Variants in SLC25A26 observed in about 807,000 individuals in gnomAD.
SLC25A26 encodes mitochondrial S-adenosylmethionine carrier protein.
A neutral mutation model predicts 37.8 loss-of-function variants in SLC25A26; 36 were observed. The observed-to-expected ratio is 0.95, with a 90% CI of 0.73 to 1.26. SLC25A26 has a LOEUF of 1.26. Among genes scored for constraint, SLC25A26 ranks in the 50% most tolerant of loss-of-function variants. The pLI is 0.00. For missense variants in SLC25A26, 390 were observed against 331.1 expected, an observed-to-expected ratio of 1.18 and a Z score of -1.38; for synonymous variants, 129 against 122.5, an observed-to-expected ratio of 1.05 and a Z score of -0.35.
intron 1 of SLC25A26, among the ~76,000 whole-genome samples, chr3:66,206,996 C>T (rs1182408894): frequency 3.3e-5 from 5 of 151,288 alleles, no homozygotes; most frequent in African/African-American, 9.7e-5. Flanking sequence ...TCTGCCTTGG[C>T]CTCCCACAGT....
chr3:66,353,702 A>G (rs2076512311), intron 6 of SLC25A26, among the ~76,000 whole-genome samples: 1 of 152,216 alleles, frequency 6.6e-6, no homozygotes, highest in East Asian at 1.9e-4. Context: ...TCTCCCCAGT[A>G]TCCGTTGAAT....
chr3:66,262,535 G>A (rs1251688911), intron 4 of SLC25A26, among the ~76,000 whole-genome samples: 1 of 152,164 alleles, frequency 6.6e-6, no homozygotes, highest in Non-Finnish European at 1.5e-5. Context: ...ATGTCATAAC[G>A]TTTATACCAA....
At chr3:66,219,308 T>A (rs1011966726), upstream of SLC25A26, among the ~76,000 whole-genome samples, 1 of 152,192 alleles carries the variant, frequency 6.6e-6, no homozygotes, top group African/African-American at 2.4e-5. Context: ...ATCACCCCAC[T>A]GATTGTGAGC....
At position 66,238,191 on chromosome 3, in the gene SLC25A26, G is replaced by A. The variant is rs140908761; in HGVS notation, c.190+1491G>A. ...CTGAAGAGCTTAAACAAATACAGTT[G>A]ACCCTCGAACAATTTGGCAGTTAGG... On this transcript the variant is annotated intron_variant, in intron 2 of 9. Transcript: ENST00000354883. 4.3e-3 allele frequency among the ~76,000 whole-genome samples: 650 copies of A among 152,226 alleles called. 7 individuals are homozygous for A. The highest frequency in any genetic ancestry group is 0.015 in the African/African-American group (622 of 41,542).
chr3:66,168,158 A>ACT (rs2070449676), intron 1 of SLC25A26, among the ~76,000 whole-genome samples: 1 of 41,086 alleles, frequency 2.4e-5, no homozygotes, highest in Non-Finnish European at 5.1e-5. Context: ...AGTCTCAAAA[A>ACT]AAATATATAT....
chr3:66,326,085 C>T (rs529862697), intron 5 of SLC25A26, among the ~76,000 whole-genome samples: 19 of 152,236 alleles, frequency 1.2e-4, no homozygotes, highest in African/African-American at 4.6e-4. Flanking sequence ...CAAGAAGGAT[C>T]CACAGATTTC....
chr3:66,264,742 G>A (rs1365547091), intron 5 of SLC25A26, among the ~76,000 whole-genome samples: 4 of 152,160 alleles, frequency 2.6e-5, no homozygotes, highest in Non-Finnish European at 5.9e-5. Flanking sequence ...GTTGGGGACC[G>A]CTGGTTTAAG....
chr3:66,243,895 G>C (rs1355392138), intron 3 of SLC25A26, among the ~76,000 whole-genome samples: 1 of 152,172 alleles, frequency 6.6e-6, no homozygotes, highest in African/African-American at 2.4e-5. Context: ...TTCTAGGTCA[G>C]ATTTGTGGGC....
chr3:66,371,240 G>A, intron 9 of SLC25A26: 1 of 1,542,440 alleles, frequency 6.5e-7, no homozygotes. Flanking sequence ...GAGCAAAGCA[G>A]TGGCCTCCCT....
At chr3:66,368,756 G>A (rs1487192565) in intron 7 of SLC25A26, among the ~76,000 whole-genome samples, 1 of 152,048 alleles carries the variant, frequency 6.6e-6, no homozygotes, top group Non-Finnish European at 1.5e-5. Flanking sequence ...GGTGGTTCAT[G>A]CCTGTAATCC....
At chr3:66,147,840 C>A (rs1019393385) in intron 1 of SLC25A26, among the ~76,000 whole-genome samples, 8 of 152,238 alleles carry the variant, frequency 5.3e-5, no homozygotes, top group African/African-American at 1.9e-4. Context: ...TTCACTGCAA[C>A]CTCCGCCTCC....
At chr3:66,277,871 T>C (rs1272409563) in intron 5 of SLC25A26, among the ~76,000 whole-genome samples, 3 of 152,172 alleles carry the variant, frequency 2.0e-5, no homozygotes, top group East Asian at 3.9e-4. Flanking sequence ...CTCAGTGTGA[T>C]CATGAGAAAA....
rs138423165 is a variant in SLC25A26, at chr3:66,170,016, G to A, written c.-354+36032G>A. Among the ~76,000 whole-genome samples, 730 of 152,246 alleles carry A rather than the reference G, an allele frequency of 4.8e-3. 4 individuals are homozygous for A. Among genetic ancestry groups the A allele is most frequent in the Non-Finnish European group, 6.8e-3 (462 of 68,008 alleles). On this transcript the variant is annotated intron_variant, in intron 1 of 10. Coordinates refer to the SLC25A26 transcript ENST00000676754. ...TGCTAATCTAGACTGACTCTAACCC[G>A]ATTCTGCTCCATAAAATCACACACT...
intron 1 of SLC25A26, among the ~76,000 whole-genome samples, chr3:66,160,737 C>A (rs140401212): frequency 0.039 from 5,929 of 152,096 alleles, 155 homozygotes; most frequent in Non-Finnish European, 0.062. Context: ...GGGTTCGAGA[C>A]CAGCCTGGCC....
intron 5 of SLC25A26, among the ~76,000 whole-genome samples, chr3:66,266,663 C>T (rs1391825753): frequency 7.2e-6 from 1 of 138,766 alleles, no homozygotes; most frequent in African/African-American, 2.8e-5. Flanking sequence ...ATTTTAGTTA[C>T]TGTGAATTTT....
chr3:66,180,004 C>T (rs1445541649), intron 1 of SLC25A26, among the ~76,000 whole-genome samples: 4 of 150,036 alleles, frequency 2.7e-5, no homozygotes, highest in South Asian at 2.2e-4. Flanking sequence ...TATCATGTGC[C>T]GCCAGGAATA....
intron 1 of SLC25A26, among the ~76,000 whole-genome samples, chr3:66,201,875 A>C (rs1472006634): frequency 1.3e-5 from 2 of 152,162 alleles, no homozygotes; most frequent in Non-Finnish European, 2.9e-5. Flanking sequence ...AACTACCAAA[A>C]CCTAAGAAAG....
At chr3:66,168,313 T>C (rs2070453597) in intron 1 of SLC25A26, among the ~76,000 whole-genome samples, 1 of 151,898 alleles carries the variant, frequency 6.6e-6, no homozygotes, top group South Asian at 2.1e-4. Flanking sequence ...TTTTGTTAAA[T>C]GGCAGTGAAA....
chr3:66,224,605 C>G (rs2071653506), intron 1 of SLC25A26, among the ~76,000 whole-genome samples: 1 of 152,190 alleles, frequency 6.6e-6, no homozygotes, highest in South Asian at 2.1e-4. Context: ...CATTCCACCC[C>G]TGGCCTCTCC....
Sources: gnomAD v4.1 joint callset for allele counts (sites outside exome capture counted in the v4.1 genomes callset) on GRCh38, gnomAD v4.1.1 for gene constraint, MANE v1.5 for transcripts, NCBI Gene and HGNC (gene_info 2026-07-23, HGNC 2026-07-21) for gene names.